The following SLCO1C1 variants were observed in gnomAD, a reference collection of about 807,000 sequenced individuals.
SLCO1C1 encodes solute carrier organic anion transporter family member 1C1.
A neutral mutation model predicts 76.4 loss-of-function variants in SLCO1C1; 70 were observed. That is an observed-to-expected ratio of 0.92 (90% CI 0.76 to 1.12). The LOEUF (loss-of-function observed/expected upper bound fraction) is 1.12, where lower values mean the gene tolerates loss of function less well. Among genes scored for constraint, SLCO1C1 ranks in the 50% most tolerant of loss-of-function variants. The pLI, the probability that SLCO1C1 is intolerant of heterozygous loss-of-function variation, is 0.00. For missense variants in SLCO1C1, 912 were observed against 823.8 expected (o/e 1.11, Z -1.31); for synonymous variants, 306 against 286.1 (o/e 1.07, Z -0.70).
intron 7 of SLCO1C1, 146 bp downstream of exon 7, chr12:20,717,376 G>C (rs1251683757): frequency 1.9e-6 from 1 of 529,108 alleles, no homozygotes. Context: ...TATTAATATA[G>C]TTATACAGAT....
intron 12 of SLCO1C1, 81 bp downstream of exon 12, chr12:20,740,449 G>T: frequency 7.8e-7 from 1 of 1,278,004 alleles, no homozygotes; most frequent in Non-Finnish European, 1.1e-6. Context: ...TTTCTGTGGA[G>T]TCTATGATTC....
intron 13 of SLCO1C1, among the ~76,000 whole-genome samples, chr12:20,749,672 G>T (rs1949205985): frequency 6.6e-6 from 1 of 152,164 alleles, no homozygotes; most frequent in African/African-American, 2.4e-5. Flanking sequence ...CCTAAGGAGG[G>T]ATTAAATTCC....
At chr12:20,725,463 A>G (rs1947932586) in intron 9 of SLCO1C1, among the ~76,000 whole-genome samples, 3 of 146,892 alleles carry the variant, frequency 2.0e-5, no homozygotes, top group Non-Finnish European at 3.0e-5. Context: ...ATACTATAAT[A>G]TATAATAATA....
In SLCO1C1 at chr12:20,711,522, T is replaced by C. The variant is rs759617416; in HGVS notation, c.529+12T>C. On this transcript the variant is annotated intron_variant, in intron 5 of 14. Coordinates refer to ENST00000266509, the MANE Select transcript of SLCO1C1 (RefSeq NM_017435.5). ...CAAAATAAGTAACGGTAAGATCATT[T>C]TTTTGACTTGACTAAACAAGCTTTT... 3.1e-6 allele frequency: 5 copies of C among 1,612,188 alleles called. No individual in the cohort carries two copies. The South Asian group carries it at 5.5e-5, about 18-fold the overall frequency.
intron 3 of SLCO1C1, among the ~76,000 whole-genome samples, chr12:20,703,935 TTC>T (rs940263713): frequency 4.8e-4 from 71 of 147,064 alleles, no homozygotes; most frequent in Non-Finnish European, 8.2e-4. Context: ...TTTCTTTTTT[TTC>T]TGTTATCTCG....
rs1312479694 is a variant in SLCO1C1 at position 20,709,636 on chromosome 12, C to G, written c.405-1750C>G. 1.3e-4 allele frequency among the ~76,000 whole-genome samples: 10 copies of G among 74,740 alleles called. 5 individuals are homozygous for G. The highest frequency in any genetic ancestry group is 3.2e-4 in the Non-Finnish European group (10 of 31,420). 49.0% of individuals were successfully genotyped at this position (74,740 alleles called of 152,430 possible). A position where few individuals can be genotyped will look rare whatever the true frequency, so the allele number is the denominator to read the frequency against. On this transcript the variant is annotated intron_variant, in intron 4 of 14. Transcript: ENST00000266509. ...GTGGCTCACGCCTGTAATCCCAGCA[C>G]TTTGGGAGGCCGAGGCGGGTGGATC...
intron 9 of SLCO1C1, among the ~76,000 whole-genome samples, chr12:20,730,209 T>G (rs1305141988): frequency 2.0e-5 from 3 of 152,220 alleles, no homozygotes; most frequent in Admixed American, 6.5e-5. Flanking sequence ...GGGGATGGAA[T>G]TGAGAGAGAA....
intron 6 of SLCO1C1, among the ~76,000 whole-genome samples, chr12:20,716,313 C>T (rs1947357714): frequency 6.6e-6 from 1 of 152,218 alleles, no homozygotes; most frequent in South Asian, 2.1e-4. Context: ...GGAAAGGTCA[C>T]AGCCAGGAGA....
intron 11 of SLCO1C1, 80 bp from the exon 12 acceptor site, chr12:20,740,104 G>T (rs1304475216): frequency 4.4e-6 from 6 of 1,356,762 alleles, no homozygotes; most frequent in Non-Finnish European, 6.1e-6. Flanking sequence ...CATGGCTACG[G>T]TAAACATTTT....
Position 20,695,575 on chromosome 12 carries a change from G to C in SLCO1C1, c.-258G>C, listed in dbSNP as rs1054350646. ...CTCTGCTGACTGCCAGAAAAAAGAG[G>C]CCAGGAAGAAAGAGGAAAGAGAAGA... On this transcript the variant is annotated 5_prime_UTR_variant, in exon 1 of 15. Transcript: ENST00000266509. 1 of 152,122 alleles carries C rather than the reference G, an allele frequency of 6.6e-6. No individual in the cohort carries two copies. The highest frequency in any genetic ancestry group is 2.4e-5 in the African/African-American group (1 of 41,416). 9.4% of individuals were successfully genotyped at this position (152,122 alleles called of 1,614,324 possible).
At chr12:20,727,008 G>A (rs1348664352) in intron 9 of SLCO1C1, among the ~76,000 whole-genome samples, 2 of 152,118 alleles carry the variant, frequency 1.3e-5, no homozygotes, top group Non-Finnish European at 2.9e-5. Flanking sequence ...GTGGCCTCTA[G>A]CTCCATCTGT....
chr12:20,706,512 A>T (rs1336663155), intron 4 of SLCO1C1, among the ~76,000 whole-genome samples: 2 of 152,158 alleles, frequency 1.3e-5, no homozygotes, highest in Non-Finnish European at 2.9e-5. Flanking sequence ...TTCAATGTCC[A>T]TACAGTATCT....
intron 4 of SLCO1C1, among the ~76,000 whole-genome samples, 190 bp downstream of exon 4, chr12:20,706,271 T>G (rs780416511): frequency 1.3e-5 from 2 of 152,110 alleles, no homozygotes; most frequent in Non-Finnish European, 2.9e-5. Flanking sequence ...TGTAAAAAAT[T>G]GATAGATTAC....
chr12:20,710,594 A>G (rs1422494620), intron 4 of SLCO1C1, among the ~76,000 whole-genome samples: 8 of 152,164 alleles, frequency 5.3e-5, no homozygotes, highest in African/African-American at 1.9e-4. Flanking sequence ...TCTTTATCCC[A>G]GTTGCTATCA....
chr12:20,705,885 C>A, intron 3 of SLCO1C1, 64 bp from the exon 4 acceptor site: 1 of 1,511,850 alleles, frequency 6.6e-7, no homozygotes, highest in South Asian at 1.2e-5. Flanking sequence ...TACATTCATT[C>A]AGTTATGCTG....
At chr12:20,720,355 C>T (rs1271430449) in intron 7 of SLCO1C1, among the ~76,000 whole-genome samples, 18 of 152,174 alleles carry the variant, frequency 1.2e-4, no homozygotes, top group Admixed American at 1.2e-3. Context: ...GTAATTTTGA[C>T]TTTCAAGTCT....
intron 2 of SLCO1C1, 35 bp downstream of exon 2, chr12:20,699,740 C>G (rs779208416): frequency 1.3e-6 from 2 of 1,575,266 alleles, no homozygotes; most frequent in South Asian, 1.2e-5. Context: ...TGTTGATGCT[C>G]TTAGTTTTCT....
intron 10 of SLCO1C1, among the ~76,000 whole-genome samples, chr12:20,734,709 T>C (rs1432355020): frequency 6.6e-6 from 1 of 152,172 alleles, no homozygotes; most frequent in African/African-American, 2.4e-5. Context: ...GAGATTCCCA[T>C]TAAAAGTATT....
intron 9 of SLCO1C1, among the ~76,000 whole-genome samples, chr12:20,725,190 ATTAT>A (rs1260285343): frequency 3.7e-5 from 5 of 136,880 alleles, no homozygotes; most frequent in Non-Finnish European, 6.1e-5. Flanking sequence ...AAATCATATA[ATTAT>A]TTATAATAGT....
Sources: allele counts gnomAD v4.1 joint callset (sites outside exome capture counted in the v4.1 genomes callset), GRCh38; gene constraint gnomAD v4.1.1; transcripts MANE v1.5; gene names NCBI Gene and HGNC (gene_info 2026-07-23, HGNC 2026-07-21).